Variants in BMP6 observed in about 807,000 individuals in gnomAD.
BMP6 encodes the protein VG-1-R.
A neutral mutation model predicts 54.1 loss-of-function variants in BMP6; 17 were observed. The observed-to-expected ratio is 0.31, with a 90% CI of 0.22 to 0.47. The LOEUF is 0.47. Ranked by LOEUF, BMP6 falls within the 20% of genes least tolerant of loss-of-function variation. The pLI, the probability that BMP6 is intolerant of heterozygous loss-of-function variation, is 1.00. For missense variants in BMP6, 720 were observed against 690.4 expected, an observed-to-expected ratio of 1.04 and a Z score of -0.48; for synonymous variants, 328 against 291.2, an observed-to-expected ratio of 1.13 and a Z score of -1.28.
At chr6:7,778,853 G>C (rs918366549) in intron 1 of BMP6, among the ~76,000 whole-genome samples, 13 of 152,094 alleles carry the variant, frequency 8.5e-5, no homozygotes. Flanking sequence ...TATCATTTCT[G>C]TTACCTCTAT....
chr6:7,752,670 T>A (rs1014883212), intron 1 of BMP6, among the ~76,000 whole-genome samples: 1 of 151,690 alleles, frequency 6.6e-6, no homozygotes, highest in South Asian at 2.1e-4. Context: ...TGTTCCATCA[T>A]TGAGCTTTCT....
intron 4 of BMP6, among the ~76,000 whole-genome samples, chr6:7,870,517 G>A (rs1759507128): frequency 1.3e-5 from 2 of 152,188 alleles, no homozygotes; most frequent in African/African-American, 4.8e-5. Flanking sequence ...TTCTGAGGGG[G>A]ATGGTGCCTG....
At chr6:7,828,167 A>G (rs1008280155) in intron 1 of BMP6, among the ~76,000 whole-genome samples, 1 of 152,242 alleles carries the variant, frequency 6.6e-6, no homozygotes, top group Non-Finnish European at 1.5e-5. Flanking sequence ...CTATTCAGAT[A>G]GACATTTACA....
chr6:7,861,795 G>C (rs78123287), intron 3 of BMP6, among the ~76,000 whole-genome samples, 196 bp downstream of exon 3: 101 of 152,264 alleles, frequency 6.6e-4, no homozygotes, highest in African/African-American at 2.3e-3. Flanking sequence ...TTGAAAACAG[G>C]CTTGGGCAAC....
rs747427445 is a variant in BMP6, at chr6:7,727,364, C to A, written c.409C>A (p.Leu137Met). The A allele has an allele frequency of 1.7e-5, 28 of 1,610,092 alleles. No individual in the cohort carries two copies. The highest frequency in any genetic ancestry group is 3.3e-5 in the Admixed American group (2 of 59,840). ...ACTGAAGTCCGCGCCCCTCTTCATG[C>A]TGGATCTGTACAACGCCCTGTCCGC... ...GRLKSAPLFM[L>M]DLYNALSADN... The change falls in exon 1 of 7, where the codon CTG (leucine) becomes ATG (methionine). Residue 137 changes from leucine (L) to methionine (M), a missense_variant. Transcript: ENST00000283147.
chr6:7,822,743 G>A (rs951880423), intron 1 of BMP6, among the ~76,000 whole-genome samples: 1 of 152,116 alleles, frequency 6.6e-6, no homozygotes, highest in Admixed American at 6.5e-5. Flanking sequence ...TGATACAAGT[G>A]ACCAAAAGGG....
intron 1 of BMP6, among the ~76,000 whole-genome samples, chr6:7,747,304 A>T (rs1279019583): frequency 1.3e-5 from 2 of 152,202 alleles, no homozygotes; most frequent in Admixed American, 1.3e-4. Context: ...AAATAGGGAG[A>T]TTATCCTGGA....
chr6:7,870,317 G>A (rs543731250), intron 4 of BMP6, among the ~76,000 whole-genome samples: 3 of 152,340 alleles, frequency 2.0e-5, no homozygotes, highest in African/African-American at 7.2e-5. Flanking sequence ...TCCCGCCATC[G>A]GGAATGGATG....
At chr6:7,819,362 G>A (rs1758574387) in intron 1 of BMP6, among the ~76,000 whole-genome samples, 1 of 152,150 alleles carries the variant, frequency 6.6e-6, no homozygotes, top group Non-Finnish European at 1.5e-5. Flanking sequence ...TGTGTAACTT[G>A]TAGGTTACAC....
intron 1 of BMP6, among the ~76,000 whole-genome samples, chr6:7,805,261 C>T (rs911158645): frequency 1.3e-5 from 2 of 152,118 alleles, no homozygotes; most frequent in African/African-American, 2.4e-5. Context: ...CCAGAATAAT[C>T]GCTGAGCTCA....
chr6:7,832,605 CA>C (rs1248893328), intron 1 of BMP6, among the ~76,000 whole-genome samples: 1 of 151,866 alleles, frequency 6.6e-6, no homozygotes, highest in Non-Finnish European at 1.5e-5. Flanking sequence ...GTTAGAGGAG[CA>C]GCAAAACAGG....
At chr6:7,828,639 T>C (rs116379216) in intron 1 of BMP6, among the ~76,000 whole-genome samples, 2,367 of 152,258 alleles carry the variant, frequency 0.016, 29 homozygotes, top group Non-Finnish European at 0.026. Context: ...AACAGACATA[T>C]ACTGGACACC....
intron 1 of BMP6, 78 bp downstream of exon 1, chr6:7,727,697 G>T: frequency 1.4e-6 from 2 of 1,385,108 alleles, no homozygotes; most frequent in Non-Finnish European, 1.9e-6. Flanking sequence ...GGAGTGAGGG[G>T]GTGGAGGAGC....
chr6:7,772,398 A>C (rs1014144275), intron 1 of BMP6, among the ~76,000 whole-genome samples: 4 of 152,204 alleles, frequency 2.6e-5, no homozygotes, highest in African/African-American at 9.6e-5. Flanking sequence ...TCTGTCAGTA[A>C]TGAATTTATT....
intron 4 of BMP6, among the ~76,000 whole-genome samples, chr6:7,874,138 G>A (rs1759570568): frequency 6.6e-6 from 1 of 152,150 alleles, no homozygotes; most frequent in Non-Finnish European, 1.5e-5. Flanking sequence ...GAAGGCTGAT[G>A]GGGTAGGGGG....
rs752779336 is a variant in BMP6, at chr6:7,727,105, C to T, written c.150C>T (p.Pro50=). The part of the protein sequence containing the change: ...GGQLLGDGGS[P]GRTEQPPPSP... ...AGCTGCTGGGGGACGGCGGGAGCCC[C>T]GGCCGCACGGAGCAGCCGCCGCCGT... Residue 50 remains proline, a synonymous_variant, in exon 1 of 7, where the codon CCC becomes CCT. Transcript: ENST00000283147. 5.6e-6 allele frequency: 8 copies of T among 1,425,922 alleles called. No homozygotes were observed. The African/African-American group carries it at 1.2e-4, about 21-fold the overall frequency. 88.3% of individuals were successfully genotyped at this position (1,425,922 alleles called of 1,614,324 possible).
At chr6:7,843,880 GT>G (rs1759017153) in intron 1 of BMP6, among the ~76,000 whole-genome samples, 1 of 152,068 alleles carries the variant, frequency 6.6e-6, no homozygotes, top group Non-Finnish European at 1.5e-5. Flanking sequence ...TTTTAAAAAC[GT>G]ATTTTTTCTA....
chr6:7,726,866 T>C lies in BMP6; in HGVS notation c.-90T>C, dbSNP rs1761734189. ...CCCGCCGAGAGGTGGCGGGGACTGC[T>C]CACGCCAAGGGCCACAGCGGCCGCG... On this transcript the variant is annotated 5_prime_UTR_variant, in exon 1 of 7. Transcript: ENST00000283147. 2.4e-6 allele frequency: 2 copies of C among 840,590 alleles called. No homozygotes were observed. The highest frequency in any genetic ancestry group is 2.9e-6 in the Non-Finnish European group (2 of 684,702). 52.1% of individuals were successfully genotyped at this position (840,590 alleles called of 1,614,324 possible).
At chr6:7,769,029 C>T (rs1407195595) in intron 1 of BMP6, among the ~76,000 whole-genome samples, 4 of 152,162 alleles carry the variant, frequency 2.6e-5, no homozygotes, top group Non-Finnish European at 4.4e-5. Flanking sequence ...CTAGATACAA[C>T]AGTTCAAAAG....
Sources: gnomAD v4.1 joint callset for allele counts (sites outside exome capture counted in the v4.1 genomes callset) on GRCh38, gnomAD v4.1.1 for gene constraint, MANE v1.5 for transcripts, NCBI Gene and HGNC (gene_info 2026-07-23, HGNC 2026-07-21) for gene names.